KDELR2: variants seen among roughly 807,000 people sequenced by gnomAD.
The protein encoded by KDELR2 is KDEL endoplasmic reticulum protein retention receptor 2, also known as ER lumen protein-retaining receptor 2.
In KDELR2, 15 loss-of-function variants were observed where a neutral mutation model predicts 23.9. The observed-to-expected ratio is 0.63, with a 90% confidence interval of 0.42 to 0.97. The LOEUF is 0.97. Among genes scored for constraint, KDELR2 ranks in the 50% least tolerant of loss-of-function variants. The probability of loss-of-function intolerance (pLI) is 0.00; values close to 1 mark genes in which losing one functional copy is unlikely to be tolerated. For missense variants in KDELR2, 272 were observed against 254.6 expected, an observed-to-expected ratio of 1.07 and a Z score of -0.46; for synonymous variants, 119 against 106.2, an observed-to-expected ratio of 1.12 and a Z score of -0.74.
At chr7:6,470,172 ATT>A (rs1281439755) in intron 2 of KDELR2, 1 of 155,384 alleles carries the variant, frequency 6.4e-6, no homozygotes, top group Admixed American at 6.4e-5. Flanking sequence ...AACCAAACTT[ATT>A]GTGTGTATAG....
At chr7:6,477,183 G>C (rs757916600) in intron 1 of KDELR2, among the ~76,000 whole-genome samples, 1 of 152,252 alleles carries the variant, frequency 6.6e-6, no homozygotes, top group Non-Finnish European at 1.5e-5. Flanking sequence ...ACAGGGCAGT[G>C]TGTGGTTTGA....
At chr7:6,468,228 G>A (rs1022843787) in intron 3 of KDELR2, among the ~76,000 whole-genome samples, 3 of 152,162 alleles carry the variant, frequency 2.0e-5, no homozygotes, top group Non-Finnish European at 4.4e-5. Flanking sequence ...CATTGCACTA[G>A]AGTTTGCCAA....
intron 1 of KDELR2, among the ~76,000 whole-genome samples, chr7:6,476,583 C>T (rs952461760): frequency 6.6e-6 from 1 of 152,188 alleles, no homozygotes; most frequent in East Asian, 1.9e-4. Flanking sequence ...TTTACTCTAA[C>T]AGAACTTTGG....
At chr7:6,480,160 C>A (rs1485557587) in intron 1 of KDELR2, among the ~76,000 whole-genome samples, 1 of 152,170 alleles carries the variant, frequency 6.6e-6, no homozygotes, top group Non-Finnish European at 1.5e-5. Flanking sequence ...CTCAGAAAGA[C>A]TCCTCTAGCT....
At chr7:6,471,176 GTTTTTTT>G (rs1161325162) in intron 2 of KDELR2, among the ~76,000 whole-genome samples, 6 of 72,568 alleles carry the variant, frequency 8.3e-5, no homozygotes, top group African/African-American at 1.5e-4. Flanking sequence ...ATTTGTTTCG[GTTTTTTT>G]TTTTTTTTTT....
intron 4 of KDELR2, among the ~76,000 whole-genome samples, chr7:6,464,197 C>CAAAAAAAAAAAAA (rs758537707): frequency 2.6e-5 from 1 of 38,732 alleles, no homozygotes; most frequent in Non-Finnish European, 4.0e-5. Flanking sequence ...AACTCTGTCT[C>CAAAAAAAAAAAAA]AAAAAAAAAA....
chr7:6,462,661 A>G lies in KDELR2; in HGVS notation c.*480T>C. On this transcript the variant is annotated 3_prime_UTR_variant, in exon 5 of 5. Transcript: ENST00000258739. ...CATCCAATTGAACATAGTGTCTCAG[A>G]TTTCAAACAAATACAGCTCATCTTT... 1 of 249,394 alleles carries G rather than the reference A, an allele frequency of 4.0e-6. No individual in the cohort carries two copies. Among genetic ancestry groups the G allele is most frequent in the South Asian group, 7.6e-5 (1 of 13,140 alleles). The allele number at this position is 249,394 out of a possible 1,614,324, so 15.4% of individuals were successfully genotyped here.
At chr7:6,478,400 G>C (rs1222049633) in intron 1 of KDELR2, among the ~76,000 whole-genome samples, 2 of 151,918 alleles carry the variant, frequency 1.3e-5, no homozygotes, top group East Asian at 1.9e-4. Context: ...CTTTAGCTTT[G>C]ACCTCCCAAA....
Position 6,466,054 on chromosome 7 carries a change from G to A in KDELR2, c.604+17C>T. 4.3e-6 allele frequency: 7 copies of A among 1,612,248 alleles called. No individual in the cohort carries two copies. The highest frequency in any genetic ancestry group is 5.9e-6 in the Non-Finnish European group (7 of 1,178,710). On this transcript the variant is annotated intron_variant, in intron 4 of 4. Transcript: ENST00000258739. The stretch of plus-strand genomic sequence containing the variant: ...AACACGTCACTCTAGAAACAACGCA[G>A]GTCGCACCCAACATACCTTTTGTAA...
At chr7:6,478,690 G>C (rs952279449) in intron 1 of KDELR2, among the ~76,000 whole-genome samples, 1 of 152,168 alleles carries the variant, frequency 6.6e-6, no homozygotes, top group African/African-American at 2.4e-5. Flanking sequence ...ATGTCATCTT[G>C]CTTCCTCACC....
At chr7:6,472,790 C>G (rs1234146132) in intron 2 of KDELR2, among the ~76,000 whole-genome samples, 1 of 151,910 alleles carries the variant, frequency 6.6e-6, no homozygotes, top group Non-Finnish European at 1.5e-5. Flanking sequence ...ATGCTAATAA[C>G]CAAATGGCCT....
rs772559213 is a variant in KDELR2, at chr7:6,469,741, G to A, written c.206C>T (p.Ala69Val). 3.7e-6 allele frequency: 6 copies of A among 1,612,394 alleles called. No homozygotes were observed. The East Asian group carries it at 1.3e-4, about 36-fold the overall frequency. The change falls in exon 3 of 5, where the codon GCC becomes GTC. Residue 69 changes from alanine to valine, a missense_variant. Transcript: ENST00000258739. ...CAGGTACACTGTGGCATAGGAGCAGGCAAGGTAGATAACCTACAAATAAAA... is the reference window on the plus strand; with the variant it reads ...CAGGTACACTGTGGCATAGGAGCAGACAAGGTAGATAACCTACAAATAAAA... ...YNTSMKVIYLACSYATVYLIY... is the reference protein window; with the variant it reads ...YNTSMKVIYLVCSYATVYLIY...
chr7:6,481,172 C>G (rs1785881402), intron 1 of KDELR2, among the ~76,000 whole-genome samples: 1 of 152,042 alleles, frequency 6.6e-6, no homozygotes, highest in African/African-American at 2.4e-5. Flanking sequence ...AGACCGAGAC[C>G]AGCCTGGCCA....
Position 6,461,349 on chromosome 7 carries a change from C to G in KDELR2, c.*1792G>C, listed in dbSNP as rs1033324144. The G allele has an allele frequency of 6.6e-6, 1 of 152,064 alleles. No individual in the cohort carries two copies. The highest frequency in any genetic ancestry group is 2.4e-5 in the African/African-American group (1 of 41,408). The allele number at this position is 152,064 out of a possible 1,614,324, so 9.4% of individuals were successfully genotyped here. A position where few individuals can be genotyped will look rare whatever the true frequency, so the allele number is the denominator to read the frequency against. ...TCCAGACCTTTCCATGCGTTGTGCT[C>G]TCCAGAGGATGCGCCAGGTGTATCA... On this transcript the variant is annotated 3_prime_UTR_variant, in exon 5 of 5. Transcript: ENST00000258739.
intron 4 of KDELR2, among the ~76,000 whole-genome samples, chr7:6,465,716 A>G (rs4720675): frequency 0.37 from 56,385 of 151,876 alleles, 11,594 homozygotes; most frequent in Non-Finnish European, 0.47. Context: ...AATTATGTAG[A>G]TTTCTAGTGA....
At chr7:6,464,161 C>T (rs1785448201) in intron 4 of KDELR2, among the ~76,000 whole-genome samples, 2 of 116,996 alleles carry the variant, frequency 1.7e-5, no homozygotes, top group South Asian at 2.9e-4. Flanking sequence ...TGTACCATTG[C>T]ACTCCAGCCT....
intron 1 of KDELR2, among the ~76,000 whole-genome samples, chr7:6,479,202 A>G (rs968574697): frequency 6.6e-6 from 1 of 151,798 alleles, no homozygotes; most frequent in African/African-American, 2.4e-5. Context: ...CTGTCACCCA[A>G]GCTGAAGTGC....
In KDELR2 at chr7:6,469,660, T is replaced by A; in HGVS notation, c.287A>T (p.Glu96Val). The A allele has an allele frequency of 6.2e-7, 1 of 1,613,998 alleles. No homozygotes were observed. The highest frequency in any genetic ancestry group is 8.5e-7 in the Non-Finnish European group (1 of 1,179,966). Residue 96 changes from glutamate (E) to valine (V), a missense_variant, in exon 3 of 5, where the codon GAG (glutamate) becomes GTG (valine). By Grantham distance (121) the Glu-to-Val change is moderately radical (BLOSUM62 -2). Coordinates refer to ENST00000258739, the MANE Select transcript of KDELR2 (RefSeq NM_006854.4). ...GCCTCCCACAGGGACCACCAGAAAC[T>A]CCACTCGGAAGGTATCATGATTTCC... is the stretch of plus-strand genomic sequence containing the variant. ...YDGNHDTFRVEFLVVPVGGLS... is the reference protein window; with the variant it reads ...YDGNHDTFRVVFLVVPVGGLS...
chr7:6,479,288 G>C (rs1434986973), intron 1 of KDELR2, among the ~76,000 whole-genome samples: 1 of 151,910 alleles, frequency 6.6e-6, no homozygotes, highest in Non-Finnish European at 1.5e-5. Flanking sequence ...CTTCTGAGTA[G>C]CTGGGACCAC....
Sources: allele counts gnomAD v4.1 joint callset (sites outside exome capture counted in the v4.1 genomes callset), GRCh38; gene constraint gnomAD v4.1.1; transcripts MANE v1.5; gene names NCBI Gene and HGNC (gene_info 2026-07-23, HGNC 2026-07-21).